Variants in SLC13A3 observed in about 807,000 individuals in gnomAD.
The protein encoded by SLC13A3 is solute carrier family 13 member 3.
Under a neutral mutation model 59.0 loss-of-function variants are expected in SLC13A3, and 40 were observed. The ratio of observed to expected loss-of-function variants is 0.68; its 90% CI spans 0.53 to 0.88. The LOEUF is 0.88. Ranked by LOEUF, SLC13A3 falls within the 40% of genes least tolerant of loss-of-function variation. The probability of loss-of-function intolerance (pLI) is 0.00; values close to 1 mark genes in which losing one functional copy is unlikely to be tolerated. For missense variants in SLC13A3, 699 were observed against 783.2 expected (o/e 0.89, Z 1.28); for synonymous variants, 317 against 330.3 (o/e 0.96, Z 0.44).
At chr20:46,666,563 G>T (rs538817950) in intron 1 of SLC13A3, among the ~76,000 whole-genome samples, 3 of 151,886 alleles carry the variant, frequency 2.0e-5, no homozygotes, top group Non-Finnish European at 4.4e-5. Context: ...GAGTGCAGTC[G>T]TGTGATCACG....
upstream of SLC13A3, among the ~76,000 whole-genome samples, chr20:46,655,584 T>C (rs2062980113): frequency 6.8e-6 from 1 of 147,824 alleles, no homozygotes; most frequent in African/African-American, 2.5e-5. Context: ...TATTCCATTG[T>C]ATGGATATAC....
chr20:46,592,536 A>G lies in SLC13A3; in HGVS notation c.795-7T>C. On this transcript the variant is annotated splice_polypyrimidine_tract_variant and splice_region_variant and intron_variant, in intron 5 of 12. Transcript: ENST00000279027. ...GTCACACTGCGGAAAGAAACTGGAG[A>G]ACAGCGGGAGATGAGAACAGGCCAA... 1 of 1,613,266 alleles carries G rather than the reference A, an allele frequency of 6.2e-7. No homozygotes were observed. The highest frequency in any genetic ancestry group is 8.5e-7 in the Non-Finnish European group (1 of 1,179,458).
upstream of SLC13A3, among the ~76,000 whole-genome samples, chr20:46,674,141 C>T (rs2063108461): frequency 6.6e-6 from 1 of 152,130 alleles, no homozygotes; most frequent in African/African-American, 2.4e-5. Context: ...AAGGGACTTT[C>T]GGTTCCCCTC....
chr20:46,674,596 CGCGCGCGCGT>C (rs982953456), upstream of SLC13A3, among the ~76,000 whole-genome samples: 7 of 70,450 alleles, frequency 9.9e-5, no homozygotes, highest in East Asian at 2.2e-3. Context: ...AGTGCGCGCG[CGCGCGCGCGT>C]GTGTGTGTGT....
intron 1 of SLC13A3, among the ~76,000 whole-genome samples, chr20:46,644,859 C>A (rs1163165132): frequency 6.6e-6 from 1 of 152,246 alleles, no homozygotes; most frequent in African/African-American, 2.4e-5. Context: ...TGGGGCTAAA[C>A]TTCCCAGCCG....
At chr20:46,609,055 T>C in intron 3 of SLC13A3, 1 of 1,550,334 alleles carries the variant, frequency 6.5e-7, no homozygotes, top group Non-Finnish European at 8.7e-7. Flanking sequence ...TTGGGTTCTA[T>C]TCCTAAAAGA....
chr20:46,596,117 G>A, intron 5 of SLC13A3, 40 bp downstream of exon 5: 2 of 1,585,236 alleles, frequency 1.3e-6, no homozygotes, highest in Non-Finnish European at 1.7e-6. Context: ...AGGAGGGGAG[G>A]AGCAGAACCC....
intron 9 of SLC13A3, 22 bp from the exon 10 acceptor site, chr20:46,575,707 GCA>G (rs2062069781): frequency 6.7e-7 from 1 of 1,493,820 alleles, no homozygotes; most frequent in African/African-American, 1.4e-5. Flanking sequence ...GAGGGATTCA[GCA>G]CACACTCAGG....
intron 1 of SLC13A3, 108 bp from the exon 2 acceptor site, chr20:46,613,833 G>C: frequency 2.0e-6 from 2 of 981,476 alleles, no homozygotes; most frequent in Non-Finnish European, 2.9e-6. Context: ...TGGGGGCAGA[G>C]GGGGAAGGAG....
chr20:46,600,313 G>GGTAA (rs2062363120), intron 3 of SLC13A3, among the ~76,000 whole-genome samples: 1 of 123,808 alleles, frequency 8.1e-6, no homozygotes, highest in Non-Finnish European at 1.7e-5. Context: ...GAAAGAAAGA[G>GGTAA]GGAAGGAAGG....
chr20:46,634,817 C>T (rs754488482), intron 1 of SLC13A3, among the ~76,000 whole-genome samples: 2 of 152,184 alleles, frequency 1.3e-5, no homozygotes. Flanking sequence ...GCTCCGTCCT[C>T]TCTCTTTGCC....
chr20:46,626,979 A>G (rs2425881), intron 1 of SLC13A3, among the ~76,000 whole-genome samples: 27,187 of 148,274 alleles, frequency 0.18, 2,689 homozygotes, highest in East Asian at 0.43. Context: ...TCCATCTCTG[A>G]TCACACTGTT....
intron 1 of SLC13A3, among the ~76,000 whole-genome samples, chr20:46,675,595 T>G (rs1284827364): frequency 6.6e-6 from 1 of 151,166 alleles, no homozygotes; most frequent in African/African-American, 2.4e-5. Context: ...TTTAATTTTG[T>G]TTTTAACTAA....
At chr20:46,613,340 TGG>T in intron 2 of SLC13A3, 118 bp downstream of exon 2, 1 of 742,706 alleles carries the variant, frequency 1.3e-6, no homozygotes, top group Non-Finnish European at 1.9e-6. Flanking sequence ...AATAAATAAA[TGG>T]TGGGAACCGA....
rs1662834537 is a variant in SLC13A3, at chr20:46,563,425, C to G, written c.1621G>C (p.Val541Leu). ...SIAFASGHLL[V>L]KDMVRTGLLM... ...ATGCCCAGACTCACCATGTCTTTGA[C>G]CAGCAAGTGTCCAGAGGCGAAGGCG... Residue 541 changes from valine to leucine, a missense_variant, in exon 12 of 13, where the codon GTC (valine) becomes CTC (leucine). Val to Leu is a conservative substitution (Grantham distance 32). Coordinates refer to ENST00000279027, the MANE Select transcript of SLC13A3 (RefSeq NM_022829.6). 6.2e-7 allele frequency: 1 copy of G among 1,613,634 alleles called. No homozygotes were observed. The highest frequency in any genetic ancestry group is 8.5e-7 in the Non-Finnish European group (1 of 1,179,840).
chr20:46,581,208 C>A (rs902984745), intron 9 of SLC13A3, among the ~76,000 whole-genome samples: 1 of 152,192 alleles, frequency 6.6e-6, no homozygotes, highest in Non-Finnish European at 1.5e-5. Flanking sequence ...GCCTGCCCTG[C>A]AACAATAGCG....
At chr20:46,674,564 G>A (rs981371442), upstream of SLC13A3, among the ~76,000 whole-genome samples, 1 of 151,722 alleles carries the variant, frequency 6.6e-6, no homozygotes, top group Admixed American at 6.6e-5. Flanking sequence ...CCTCCAGCAG[G>A]GGAGACAGTG....
At chr20:46,577,794 T>C (rs1769994207) in intron 9 of SLC13A3, among the ~76,000 whole-genome samples, 1 of 152,232 alleles carries the variant, frequency 6.6e-6, no homozygotes, top group African/African-American at 2.4e-5. Flanking sequence ...TGAACTAGAC[T>C]TGAATCCTAG....
intron 6 of SLC13A3, among the ~76,000 whole-genome samples, chr20:46,590,137 C>CA (rs1003929745): frequency 8.0e-5 from 12 of 150,648 alleles, no homozygotes; most frequent in East Asian, 5.8e-4. Context: ...CCATTTGGGA[C>CA]AAAAAAAAGT....
Sources: allele counts gnomAD v4.1 joint callset (sites outside exome capture counted in the v4.1 genomes callset), GRCh38; gene constraint gnomAD v4.1.1; transcripts MANE v1.5; gene names NCBI Gene and HGNC (gene_info 2026-07-23, HGNC 2026-07-21).